SASH1: variants seen among roughly 807,000 people sequenced by gnomAD.
SASH1 encodes SAM and SH3 domain containing 1.
Under a neutral mutation model 125.2 loss-of-function variants are expected in SASH1, and 44 were observed. The observed-to-expected ratio is 0.35, with a 90% CI of 0.28 to 0.45. SASH1 has a LOEUF of 0.45. SASH1 is among the 20% of genes least tolerant of loss of function. The pLI is 1.00. For missense variants in SASH1, 1,426 were observed against 1,614.5 expected (o/e 0.88, Z 2.00); for synonymous variants, 639 against 649.1 (o/e 0.98, Z 0.24).
intron 1 of SASH1, among the ~76,000 whole-genome samples, chr6:148,329,997 CCTCAGGG>C (rs1425648535): frequency 6.6e-6 from 1 of 152,070 alleles, no homozygotes; most frequent in African/African-American, 2.4e-5. Context: ...ACAGGGTTAA[CCTCAGGG>C]CTCCACCATG....
intron 8 of SASH1, chr6:148,508,576 A>T: frequency 9.0e-7 from 1 of 1,116,486 alleles, no homozygotes; most frequent in Non-Finnish European, 1.1e-6. Flanking sequence ...CTTAGAGCTG[A>T]TGACTTATGC....
intron 4 of SASH1, among the ~76,000 whole-genome samples, chr6:148,449,081 T>TTTTCTTTTTC (rs1766207711): frequency 3.7e-5 from 5 of 134,324 alleles, no homozygotes; most frequent in Non-Finnish European, 1.6e-5. Context: ...TTCATTTCTT[T>TTTTCTTTTTC]TTTTTTTTTT....
At chr6:148,460,986 G>A (rs1777586735) in intron 4 of SASH1, among the ~76,000 whole-genome samples, 1 of 152,214 alleles carries the variant, frequency 6.6e-6, no homozygotes, top group South Asian at 2.1e-4. Context: ...CGAGTCTGCT[G>A]GAGAAGACTA....
chr6:148,436,316 C>T (rs1583156954), intron 2 of SASH1, among the ~76,000 whole-genome samples: 1 of 151,892 alleles, frequency 6.6e-6, no homozygotes, highest in South Asian at 2.1e-4. Flanking sequence ...CATGGTGAAA[C>T]CCCATCTCTA....
At position 148,540,428 on chromosome 6, in the gene SASH1, T is replaced by C. The variant is rs528569457; in HGVS notation, c.2096-15T>C. On this transcript the variant is annotated splice_polypyrimidine_tract_variant and intron_variant, in intron 16 of 19. Coordinates refer to ENST00000367467, the MANE Select transcript of SASH1 (RefSeq NM_015278.5). ...CACTCACCTTGTTGATTTCATGCCG[T>C]GTTCTCTCCTCTAGGTAACAGCGAC... 2.5e-6 allele frequency: 4 copies of C among 1,604,718 alleles called. No homozygotes were observed. The highest frequency in any genetic ancestry group is 1.3e-5 in the African/African-American group (1 of 74,840).
chr6:148,196,488 C>G, the SASH1 span, among the ~76,000 whole-genome samples: 1 of 152,210 alleles, frequency 6.6e-6, no homozygotes, highest in Admixed American at 6.5e-5. Context: ...TGGTAACTCT[C>G]TGCATAGTCC....
At chr6:148,339,211 T>C (rs1379550862), upstream of SASH1, among the ~76,000 whole-genome samples, 1 of 151,940 alleles carries the variant, frequency 6.6e-6, no homozygotes, top group Non-Finnish European at 1.5e-5. Flanking sequence ...GCCCAGCTAA[T>C]TTTTGTATTT....
At chr6:148,300,618 G>A (rs1779913749) in intron 1 of SASH1, among the ~76,000 whole-genome samples, 1 of 151,572 alleles carries the variant, frequency 6.6e-6, no homozygotes, top group Non-Finnish European at 1.5e-5. Flanking sequence ...CTAGTTTTTT[G>A]TATTTTTATA....
At chr6:148,224,366 C>G in the SASH1 span, among the ~76,000 whole-genome samples, 1 of 146,758 alleles carries the variant, frequency 6.8e-6, no homozygotes, top group Admixed American at 6.8e-5. Flanking sequence ...TTCCCCCCAG[C>G]CTTTTTTTTT....
At chr6:148,195,491 C>G in the SASH1 span, among the ~76,000 whole-genome samples, 2 of 152,236 alleles carry the variant, frequency 1.3e-5, no homozygotes, top group South Asian at 4.1e-4. Context: ...GACTTATAAG[C>G]AGCTACCATG....
chr6:148,471,972 T>C (rs982079164), intron 6 of SASH1, among the ~76,000 whole-genome samples: 11 of 152,234 alleles, frequency 7.2e-5, no homozygotes, highest in African/African-American at 2.7e-4. Context: ...TCCAGTGGTC[T>C]GACATCATGG....
At chr6:148,255,601 G>A in the SASH1 span, among the ~76,000 whole-genome samples, 3 of 152,214 alleles carry the variant, frequency 2.0e-5, no homozygotes, top group Admixed American at 6.5e-5. Flanking sequence ...ATGAGCTCAA[G>A]GTCTGAGGCT....
chr6:148,477,564 C>T (rs531130134), intron 7 of SASH1, among the ~76,000 whole-genome samples: 135 of 152,234 alleles, frequency 8.9e-4, no homozygotes, highest in African/African-American at 3.0e-3. Flanking sequence ...CTCACTCTGT[C>T]GCCCAGGCTG....
At chr6:148,199,808 AAAAG>A in the SASH1 span, among the ~76,000 whole-genome samples, 1 of 151,878 alleles carries the variant, frequency 6.6e-6, no homozygotes, top group South Asian at 2.1e-4. Flanking sequence ...GAGAGAAAGA[AAAAG>A]AGAGAGAGAA....
chr6:148,368,765 C>T (rs1435460803), intron 1 of SASH1, among the ~76,000 whole-genome samples: 12 of 128,904 alleles, frequency 9.3e-5, no homozygotes, highest in Admixed American at 3.8e-4. Flanking sequence ...CGCGCGCACG[C>T]GCGCGCACAC....
chr6:148,263,714 G>GA, the SASH1 span, among the ~76,000 whole-genome samples: 101,183 of 152,018 alleles, frequency 0.67, 34,075 homozygotes, highest in African/African-American at 0.7. Context: ...AACCTGAAAA[G>GA]AAACTGTCAC....
chr6:148,442,480 C>T (rs762703629), intron 4 of SASH1, among the ~76,000 whole-genome samples: 19 of 152,068 alleles, frequency 1.2e-4, no homozygotes, highest in South Asian at 4.2e-4. Flanking sequence ...GTAATCTTCA[C>T]GTGGGCCACC....
intron 2 of SASH1, among the ~76,000 whole-genome samples, chr6:148,434,453 T>C (rs923084241): frequency 3.9e-5 from 6 of 152,212 alleles, no homozygotes; most frequent in African/African-American, 1.4e-4. Context: ...AAAAATTCAG[T>C]GAGATATACT....
chr6:148,281,133 T>C (rs1452985062), intron 1 of SASH1, among the ~76,000 whole-genome samples: 1 of 145,914 alleles, frequency 6.9e-6, no homozygotes, highest in Admixed American at 6.9e-5. Flanking sequence ...TTTTTTTGCA[T>C]TTTTAGTAGA....
Sources: allele counts gnomAD v4.1 joint callset (sites outside exome capture counted in the v4.1 genomes callset), GRCh38; gene constraint gnomAD v4.1.1; transcripts MANE v1.5; gene names NCBI Gene and HGNC (gene_info 2026-07-23, HGNC 2026-07-21).